The following NXPE2 variants were observed in gnomAD, a reference collection of about 807,000 sequenced individuals.
The protein encoded by NXPE2 is NXPE family member 2.
NXPE2 carries 34 observed loss-of-function variants against 34.4 expected under a neutral mutation model. The observed-to-expected ratio is 0.99, with a 90% CI of 0.75 to 1.31. The LOEUF (loss-of-function observed/expected upper bound fraction) is 1.31, where lower values mean the gene tolerates loss of function less well. NXPE2 is among the 40% of genes most tolerant of loss of function. The pLI, the probability that NXPE2 is intolerant of heterozygous loss-of-function variation, is 0.00. For synonymous variants in NXPE2, 235 were observed against 231.3 expected (o/e 1.02, Z -0.15); for missense variants, 649 against 672.5 (o/e 0.97, Z 0.39).
Position 114,706,681 on chromosome 11 carries a change from C to T in NXPE2, c.1431C>T (p.Phe477=). Residue 477 remains phenylalanine (F), a synonymous_variant, in exon 6 of 6, where the codon TTC becomes TTT. Coordinates refer to ENST00000389586, the MANE Select transcript of NXPE2 (RefSeq NM_182495.6). ...INIQKAIERL[F]LRSPETKVIL... ...TTCAAAAGGCCATTGAACGTCTATT[C>T]TTGCGAAGCCCGGAGACCAAGGTGA... 1.3e-6 allele frequency: 2 copies of T among 1,552,090 alleles called. No individual in the cohort carries two copies. The highest frequency in any genetic ancestry group is 1.7e-6 in the Non-Finnish European group (2 of 1,147,066).
At chr11:114,657,556 T>A in the NXPE2 span, among the ~76,000 whole-genome samples, 1 of 152,194 alleles carries the variant, frequency 6.6e-6, no homozygotes, top group Non-Finnish European at 1.5e-5. Flanking sequence ...AGGCCCACAC[T>A]AGATATTGCT....
At chr11:114,808,121 A>C in the NXPE2 span, among the ~76,000 whole-genome samples, 3 of 152,248 alleles carry the variant, frequency 2.0e-5, no homozygotes, top group African/African-American at 4.8e-5. Context: ...TGAAGGCAGA[A>C]ATAAAGATGT....
the NXPE2 span, among the ~76,000 whole-genome samples, chr11:114,767,827 C>T: frequency 6.6e-6 from 1 of 152,160 alleles, no homozygotes; most frequent in East Asian, 1.9e-4. Context: ...CTCAAAAGCA[C>T]ACATTCCACT....
At chr11:114,491,087 G>A in the NXPE2 span, among the ~76,000 whole-genome samples, 39 of 143,208 alleles carry the variant, frequency 2.7e-4, 2 homozygotes, top group Admixed American at 4.3e-4. Context: ...GCGTGAACCC[G>A]GGAAGCAGAG....
the NXPE2 span, among the ~76,000 whole-genome samples, chr11:114,586,611 A>G: frequency 6.6e-6 from 1 of 152,106 alleles, no homozygotes; most frequent in Non-Finnish European, 1.5e-5. Flanking sequence ...CCTTTTACAG[A>G]GAGCCTTGCT....
At chr11:114,798,373 T>C in the NXPE2 span, among the ~76,000 whole-genome samples, 38 of 151,726 alleles carry the variant, frequency 2.5e-4, no homozygotes, top group Non-Finnish European at 4.9e-4. Context: ...TTCCCTCTGT[T>C]TCTTTCTTTT....
chr11:114,495,747 G>C, the NXPE2 span, among the ~76,000 whole-genome samples: 1 of 152,148 alleles, frequency 6.6e-6, no homozygotes, highest in Admixed American at 6.5e-5. Flanking sequence ...ACCAGGACTA[G>C]GTCTTTCACT....
chr11:114,690,708 C>T (rs74636310), intron 2 of NXPE2, among the ~76,000 whole-genome samples: 5 of 152,202 alleles, frequency 3.3e-5, no homozygotes, highest in East Asian at 3.9e-4. Flanking sequence ...TCTCCCTTCT[C>T]GCTCAAAAAT....
At chr11:114,701,245 C>G (rs1250572425) in intron 3 of NXPE2, among the ~76,000 whole-genome samples, 1 of 152,112 alleles carries the variant, frequency 6.6e-6, no homozygotes, top group Non-Finnish European at 1.5e-5. Context: ...AGATTCTATA[C>G]TCTATATGTT....
the NXPE2 span, chr11:114,521,954 A>G: frequency 4.5e-6 from 7 of 1,570,924 alleles, no homozygotes; most frequent in African/African-American, 2.7e-5. Context: ...GTGATTTTGT[A>G]TAGTATTTAT....
chr11:114,633,070 T>G, the NXPE2 span, among the ~76,000 whole-genome samples: 2 of 118,436 alleles, frequency 1.7e-5, no homozygotes, highest in South Asian at 2.4e-4. Context: ...ATATTTTGTT[T>G]TTTATAATTT....
the NXPE2 span, among the ~76,000 whole-genome samples, chr11:114,795,592 C>T: frequency 6.6e-6 from 1 of 152,208 alleles, no homozygotes; most frequent in African/African-American, 2.4e-5. Context: ...ATAGCATTCA[C>T]ATCCTGGAGA....
chr11:114,659,686 T>A, the NXPE2 span, among the ~76,000 whole-genome samples: 2 of 152,118 alleles, frequency 1.3e-5, no homozygotes, highest in Non-Finnish European at 2.9e-5. Flanking sequence ...GTTTGAGGGA[T>A]AAGTTGTAAC....
At chr11:114,693,926 TC>T (rs1951200080) in intron 2 of NXPE2, among the ~76,000 whole-genome samples, 1 of 152,156 alleles carries the variant, frequency 6.6e-6, no homozygotes, top group Non-Finnish European at 1.5e-5. Flanking sequence ...CTTCTGGAGG[TC>T]AGAATTACAA....
chr11:114,483,101 A>G, the NXPE2 span, among the ~76,000 whole-genome samples: 5 of 152,206 alleles, frequency 3.3e-5, no homozygotes, highest in African/African-American at 9.6e-5. Flanking sequence ...TATAGTCTGT[A>G]TATTCCTTAT....
At chr11:114,601,655 TATAA>T in the NXPE2 span, among the ~76,000 whole-genome samples, 9 of 46,932 alleles carry the variant, frequency 1.9e-4, 1 homozygote, top group African/African-American at 8.0e-4. Context: ...AATTATATAT[TATAA>T]ATAATTATAT....
the NXPE2 span, among the ~76,000 whole-genome samples, chr11:114,545,230 T>C: frequency 3.9e-5 from 6 of 152,190 alleles, no homozygotes; most frequent in Admixed American, 2.0e-4. Flanking sequence ...TCCAGTTGAT[T>C]TGAATGCTTA....
the NXPE2 span, among the ~76,000 whole-genome samples, chr11:114,801,274 G>C: frequency 6.6e-6 from 1 of 152,146 alleles, no homozygotes; most frequent in African/African-American, 2.4e-5. Context: ...TAGATTTAGG[G>C]GAGAGAGAAG....
At chr11:114,725,976 A>AAAATATATATATATATATATATATATAT in the NXPE2 span, among the ~76,000 whole-genome samples, 40 of 101,698 alleles carry the variant, frequency 3.9e-4, no homozygotes, top group Admixed American at 9.9e-4. Flanking sequence ...ATAAAAAAAA[A>AAAATATATATATATATATATATATATAT]ATATATATAT....
Sources: gnomAD v4.1 joint callset for allele counts (sites outside exome capture counted in the v4.1 genomes callset) on GRCh38, gnomAD v4.1.1 for gene constraint, MANE v1.5 for transcripts, NCBI Gene and HGNC (gene_info 2026-07-23, HGNC 2026-07-21) for gene names.